The following USP6 variants were observed in gnomAD, a reference collection of about 807,000 sequenced individuals.
The protein encoded by USP6 is ubiquitin specific peptidase 6, also known as ubiquitin carboxyl-terminal hydrolase 6.
A neutral mutation model predicts 175.7 loss-of-function variants in USP6; 128 were observed. That is an observed-to-expected ratio of 0.73 (90% confidence interval 0.63 to 0.84). The LOEUF (loss-of-function observed/expected upper bound fraction) is 0.84, where lower values mean the gene tolerates loss of function less well. USP6 is among the 40% of genes least tolerant of loss of function. The pLI is 0.00. For missense variants in USP6, 1,498 were observed against 1,760.3 expected (o/e 0.85, Z 2.67); for synonymous variants, 562 against 630.6 (o/e 0.89, Z 1.63).
chr17:5,139,754 G>A (rs1437082075), intron 22 of USP6, 80 bp downstream of exon 22: 20 of 1,596,414 alleles, frequency 1.3e-5, no homozygotes, highest in Admixed American at 8.3e-5. Flanking sequence ...CACTGATTCC[G>A]ACCGGGATAC....
At chr17:5,171,795 T>G in intron 37 of USP6, 116 bp downstream of exon 37, 1 of 1,133,442 alleles carries the variant, frequency 8.8e-7, no homozygotes, top group Non-Finnish European at 1.2e-6. Context: ...AGAATTAATA[T>G]ATAGATGCTG....
chr17:5,131,854 G>C (rs1018434385), intron 11 of USP6, among the ~76,000 whole-genome samples: 2 of 152,034 alleles, frequency 1.3e-5, no homozygotes, highest in Non-Finnish European at 2.9e-5. Flanking sequence ...GAAATGCAGG[G>C]TGTGTGGCTC....
At chr17:5,139,152 A>C (rs747519300) in intron 21 of USP6, 103 bp from the exon 22 acceptor site, 25 of 1,597,872 alleles carry the variant, frequency 1.6e-5, no homozygotes, top group Non-Finnish European at 2.1e-5. Context: ...CAGGGGCCAC[A>C]CAGAGACCCC....
At chr17:5,172,088 T>C (rs1598112010) in intron 37 of USP6, among the ~76,000 whole-genome samples, 1 of 150,118 alleles carries the variant, frequency 6.7e-6, no homozygotes, top group African/African-American at 2.5e-5. Context: ...GGCAGGAGAA[T>C]GGCTTGAACC....
chr17:5,150,299 T>TAAAAAAAA (rs1368315907), intron 30 of USP6, among the ~76,000 whole-genome samples: 14 of 94,506 alleles, frequency 1.5e-4, no homozygotes, highest in Admixed American at 3.7e-4. Context: ...TCTAAAAAAA[T>TAAAAAAAA]AAATAAATAA....
chr17:5,127,470 T>C (rs1390119536), intron 6 of USP6, 34 bp from the exon 7 acceptor site: 1 of 152,252 alleles, frequency 6.6e-6, no homozygotes, highest in Non-Finnish European at 1.5e-5. Flanking sequence ...CTGGACAACG[T>C]GAACTTGTCT....
intron 2 of USP6, among the ~76,000 whole-genome samples, chr17:5,119,666 TTAAC>T (rs1297088089): frequency 2.0e-5 from 3 of 152,162 alleles, no homozygotes; most frequent in African/African-American, 7.2e-5. Context: ...CTCACTGCAG[TTAAC>T]TAACTAATGA....
chr17:5,144,018 G>C (rs2073535008), intron 25 of USP6, among the ~76,000 whole-genome samples: 1 of 151,870 alleles, frequency 6.6e-6, no homozygotes, highest in South Asian at 2.1e-4. Context: ...GGTGAAGTTA[G>C]GATTATTCAT....
Position 5,148,621 on chromosome 17 carries a change from C to T in USP6, c.2497C>T (p.Pro833Ser), listed in dbSNP as rs1311488923. 2 of 1,613,814 alleles carry T rather than the reference C, an allele frequency of 1.2e-6. No homozygotes were observed. Among genetic ancestry groups the T allele is most frequent in the Non-Finnish European group, 1.7e-6 (2 of 1,179,864 alleles). The change falls in exon 30 of 38, where the codon CCA (proline) becomes TCA (serine). Residue 833 changes from proline (P) to serine (S), a missense_variant. Coordinates refer to ENST00000574788, the MANE Select transcript of USP6 (RefSeq NM_001304284.2). ...AACTACCAATGGGGACCTACCCAAA[C>T]CAATATTCATCCCCAATGGAATGCC... ...TLTTNGDLPK[P>S]IFIPNGMPNT...
intron 4 of USP6, among the ~76,000 whole-genome samples, 191 bp from the exon 5 acceptor site, chr17:5,124,375 C>G (rs1481982006): frequency 6.6e-6 from 1 of 152,202 alleles, no homozygotes; most frequent in Non-Finnish European, 1.5e-5. Context: ...GGCCCAGCCC[C>G]AGCTGTTGCC....
chr17:5,118,158 C>T (rs964867271), intron 1 of USP6, 42 bp from the exon 2 acceptor site: 1 of 152,186 alleles, frequency 6.6e-6, no homozygotes, highest in Non-Finnish European at 1.5e-5. Context: ...GTGCTCTCTC[C>T]CTCAGGGATG....
Position 5,141,424 on chromosome 17 carries a change from G to A in USP6, c.1499-1G>A. On this transcript the variant is annotated splice_acceptor_variant, in intron 22 of 37. Coordinates refer to ENST00000574788, the MANE Select transcript of USP6 (RefSeq NM_001304284.2). LOFTEE classifies it high-confidence loss of function. Reference sequence around the variant, plus strand: ...TAACACATTCCTATCTGTCCTTCCAGTTCACAACAAAGATATGAGTTGGCC... The same window carrying A: ...TAACACATTCCTATCTGTCCTTCCAATTCACAACAAAGATATGAGTTGGCC... 6.2e-7 allele frequency: 1 copy of A among 1,604,954 alleles called. No individual in the cohort carries two copies. The highest frequency in any genetic ancestry group is 2.2e-5 in the East Asian group (1 of 44,668).
chr17:5,118,589 C>G (rs1477781625), intron 2 of USP6, among the ~76,000 whole-genome samples: 1 of 152,226 alleles, frequency 6.6e-6, no homozygotes, highest in Non-Finnish European at 1.5e-5. Flanking sequence ...TGGCTACCTG[C>G]CACTGGTGAG....
chr17:5,146,372 TG>T (rs1300617508), intron 28 of USP6, among the ~76,000 whole-genome samples, 198 bp downstream of exon 28: 1 of 152,142 alleles, frequency 6.6e-6, no homozygotes, highest in Non-Finnish European at 1.5e-5. Flanking sequence ...GGGATAATAC[TG>T]ATGGTGGTAT....
intron 26 of USP6, 111 bp downstream of exon 26, chr17:5,144,974 T>C (rs1598043392): frequency 7.1e-7 from 1 of 1,406,204 alleles, no homozygotes; most frequent in Non-Finnish European, 9.4e-7. Context: ...AGAATTTTAC[T>C]GCAAAAATTA....
intron 2 of USP6, among the ~76,000 whole-genome samples, 167 bp downstream of exon 2, chr17:5,118,457 CA>C (rs2072581170): frequency 1.3e-5 from 2 of 152,238 alleles, no homozygotes. Flanking sequence ...CGGTGCTGCC[CA>C]AGTGGGGGTG....
Position 5,162,916 on chromosome 17 carries a change from A to G in USP6, c.2948A>G (p.Glu983Gly), listed in dbSNP as rs2074032065. 6.2e-7 allele frequency: 1 copy of G among 1,607,108 alleles called. No individual in the cohort carries two copies. The highest frequency in any genetic ancestry group is 2.3e-5 in the East Asian group (1 of 44,306). ...AGAGGCTGTAAAATTGATTGTGGGGAAGACAGAGCTTTCATTGGAAATGCC... is the reference window on the plus strand; with the variant it reads ...AGAGGCTGTAAAATTGATTGTGGGGGAGACAGAGCTTTCATTGGAAATGCC... ...FCRGCKIDCG[E>G]DRAFIGNAYI... is the part of the protein sequence containing the mutation. The change falls in exon 33 of 38, where the codon GAA (glutamate) becomes GGA (glycine). Residue 983 changes from glutamate to glycine, a missense_variant. Transcript: ENST00000574788.
At position 5,172,779 on chromosome 17, in the gene USP6, G is replaced by A. The variant is rs1207227746; in HGVS notation, c.4048-26G>A. 6.2e-6 allele frequency: 10 copies of A among 1,610,978 alleles called. No homozygotes were observed. The African/African-American group carries it at 1.1e-4, about 17-fold the overall frequency. On this transcript the variant is annotated intron_variant, in intron 37 of 37. Transcript: ENST00000574788. ...AGAGTCATAATAGTGATGGCTTTTT[G>A]TTAAAGGTTTTTCTTGCCCTTTCAG...
At position 5,135,085 on chromosome 17, in the gene USP6, T is replaced by A. The variant is rs1598007636; in HGVS notation, c.495-149T>A. 5 of 875,196 alleles carry A rather than the reference T, an allele frequency of 5.7e-6. No homozygotes were observed. The East Asian group carries it at 1.3e-4, about 23-fold the overall frequency. The allele number at this position is 875,196 out of a possible 1,614,324, so 54.2% of individuals were successfully genotyped here. Reference sequence around the variant, plus strand: ...CACAGATGTGGATTTTACTGAAACATTTCTTCAACAGTCTCAGGCCCTGAA... The same window carrying A: ...CACAGATGTGGATTTTACTGAAACAATTCTTCAACAGTCTCAGGCCCTGAA... On this transcript the variant is annotated intron_variant, in intron 15 of 37. Transcript: ENST00000574788.
Sources: allele counts gnomAD v4.1 joint callset (sites outside exome capture counted in the v4.1 genomes callset), GRCh38; gene constraint gnomAD v4.1.1; transcripts MANE v1.5; gene names NCBI Gene and HGNC (gene_info 2026-07-23, HGNC 2026-07-21).